The following SUGP1 variants were observed in gnomAD, a reference collection of about 807,000 sequenced individuals.
The protein encoded by SUGP1 is SURP and G-patch domain-containing protein 1.
A neutral mutation model predicts 76.5 loss-of-function variants in SUGP1; 34 were observed. That is an observed-to-expected ratio of 0.44 (90% CI 0.34 to 0.59). The LOEUF (loss-of-function observed/expected upper bound fraction) is 0.59. SUGP1 is among the 20% of genes least tolerant of loss of function. The pLI, the probability that SUGP1 is intolerant of heterozygous loss-of-function variation, is 0.01. For missense variants in SUGP1, 752 were observed against 851.7 expected (o/e 0.88, Z 1.46); for synonymous variants, 326 against 326.2 (o/e 1.00, Z 0.01).
At chr19:19,294,905 T>C (rs1281890233) in intron 8 of SUGP1, among the ~76,000 whole-genome samples, 3 of 151,888 alleles carry the variant, frequency 2.0e-5, no homozygotes, top group African/African-American at 2.4e-5. Flanking sequence ...ACCCATAGAA[T>C]GAGAGAAAGT....
chr19:19,301,098 T>C (rs1215606037), intron 7 of SUGP1, among the ~76,000 whole-genome samples: 2 of 152,090 alleles, frequency 1.3e-5, no homozygotes, highest in Non-Finnish European at 2.9e-5. Context: ...TGACTTGGAG[T>C]GGACTAGTGA....
Position 19,278,701 on chromosome 19 carries a change from T to C in SUGP1, c.1624A>G (p.Lys542Glu), listed in dbSNP as rs2061073418. Reference protein sequence around the residue: ...DELEKFMETFKALKEGREPDY... With the variant: ...DELEKFMETFEALKEGREPDY... The stretch of plus-strand genomic sequence containing the variant: ...CCCTCCTGGCTCACCTTCAGGGCCT[T>C]GAAGGTCTCCATAAACTTTTCCAGC... The change falls in exon 11 of 14, where the codon AAG becomes GAG. Residue 542 changes from lysine (K) to glutamate (E), a missense_variant. Lys to Glu is a moderately conservative substitution (Grantham distance 56). Transcript: ENST00000247001. 6.2e-7 allele frequency: 1 copy of C among 1,613,046 alleles called. No homozygotes were observed.
In SUGP1 at chr19:19,316,409, A is replaced by T. The variant is rs1196514509; in HGVS notation, c.206+13T>A. ...CACATCCAGGCCCCATCCAGGCCCC[A>T]GCAGGCACTTACTCGCCAGGATGTG... On this transcript the variant is annotated intron_variant, in intron 2 of 13. Transcript: ENST00000247001. 1.9e-6 allele frequency: 3 copies of T among 1,613,868 alleles called. No homozygotes were observed. In the South Asian group the frequency reaches 3.3e-5, roughly 18 times the overall value.
intron 7 of SUGP1, among the ~76,000 whole-genome samples, chr19:19,297,986 A>C (rs2061242135): frequency 6.6e-6 from 1 of 152,190 alleles, no homozygotes; most frequent in Admixed American, 6.5e-5. Context: ...CCCAGTCCAC[A>C]GGACTGTCTT....
intron 8 of SUGP1, among the ~76,000 whole-genome samples, chr19:19,293,189 C>T (rs188431569): frequency 1.6e-3 from 245 of 151,252 alleles, no homozygotes; most frequent in Non-Finnish European, 1.7e-3. Flanking sequence ...GGATTACAGG[C>T]GTGAGTCACC....
intron 2 of SUGP1, among the ~76,000 whole-genome samples, chr19:19,313,541 T>G (rs992487063): frequency 6.6e-6 from 1 of 152,134 alleles, no homozygotes; most frequent in Non-Finnish European, 1.5e-5. Flanking sequence ...TGAGACCCCA[T>G]CTACACAAAA....
chr19:19,297,322 G>GGGTACAA lies in SUGP1; in HGVS notation c.909_910insTTGTACC (p.Gln304LeufsTer30). The stretch of plus-strand genomic sequence containing the variant: ...TTCTGTCGGTAGTACTTGTACCCTT[G>GGGTACAA]GCTATTGGGCTCATACAGAAAGCTG... On this transcript the variant is annotated frameshift_variant, in exon 8 of 14. Transcript: ENST00000247001. LOFTEE classifies it high-confidence loss of function. 2 of 1,520,424 alleles carry GGGTACAA rather than the reference G, an allele frequency of 1.3e-6. No homozygotes were observed. Among genetic ancestry groups the GGGTACAA allele is most frequent in the Admixed American group, 4.3e-5 (2 of 46,756 alleles). The allele number at this position is 1,520,424 out of a possible 1,614,324, so 94.2% of individuals were successfully genotyped here.
intron 10 of SUGP1, 82 bp downstream of exon 10, chr19:19,279,130 TG>T: frequency 7.1e-7 from 1 of 1,409,216 alleles, no homozygotes; most frequent in Non-Finnish European, 9.4e-7. Context: ...CAAGACCACG[TG>T]TGGCGCATCC....
intron 12 of SUGP1, among the ~76,000 whole-genome samples, chr19:19,277,393 G>A (rs1378908117): frequency 6.6e-6 from 1 of 152,174 alleles, no homozygotes; most frequent in Non-Finnish European, 1.5e-5. Context: ...ACACCTGGGA[G>A]AGCTCCTGCC....
intron 7 of SUGP1, chr19:19,301,592 C>A (rs2061271995): frequency 6.6e-6 from 1 of 152,656 alleles, no homozygotes; most frequent in African/African-American, 2.4e-5. Flanking sequence ...GCTTGTGTAA[C>A]CTGGGGCCAG....
chr19:19,298,832 G>A (rs913462567), intron 7 of SUGP1, among the ~76,000 whole-genome samples: 1 of 152,170 alleles, frequency 6.6e-6, no homozygotes, highest in Non-Finnish European at 1.5e-5. Context: ...AGCAGGCATC[G>A]GGGTGTGGGG....
At chr19:19,316,622 A>T (rs772012266) in intron 1 of SUGP1, 29 bp from the exon 2 acceptor site, 1 of 1,612,092 alleles carries the variant, frequency 6.2e-7, no homozygotes, top group South Asian at 1.1e-5. Flanking sequence ...TACGTCGGAA[A>T]TCACCCTTAC....
At chr19:19,297,467 T>C in intron 7 of SUGP1, 123 bp from the exon 8 acceptor site, 1 of 576,594 alleles carries the variant, frequency 1.7e-6, no homozygotes, top group South Asian at 4.0e-5. Context: ...GGTCATGTCA[T>C]AGTCACGGTC....
intron 9 of SUGP1, 114 bp from the exon 10 acceptor site, chr19:19,279,504 G>A: frequency 5.8e-6 from 7 of 1,201,604 alleles, no homozygotes; most frequent in Non-Finnish European, 8.1e-6. Flanking sequence ...GGCTCATCTG[G>A]ACCCCTGGGC....
At position 19,310,092 on chromosome 19, in the gene SUGP1, C is replaced by G; in HGVS notation, c.310+5G>C. The G allele has an allele frequency of 6.2e-7, 1 of 1,612,114 alleles. No individual in the cohort carries two copies. Among genetic ancestry groups the G allele is most frequent in the Non-Finnish European group, 8.5e-7 (1 of 1,178,594 alleles). ...AGCACAAGGAAAGGGGAGGCCTACA[C>G]TCACCTGTGCTGGTCTGTGCCTTCT... On this transcript the variant is annotated splice_donor_5th_base_variant and intron_variant, in intron 3 of 13. Coordinates refer to ENST00000247001, the MANE Select transcript of SUGP1 (RefSeq NM_172231.4).
chr19:19,295,030 G>T (rs777668818), intron 8 of SUGP1, among the ~76,000 whole-genome samples: 2 of 152,132 alleles, frequency 1.3e-5, no homozygotes, highest in Non-Finnish European at 2.9e-5. Context: ...GTGGCTGGGT[G>T]CAGTGGCCTG....
chr19:19,315,087 G>A (rs1191733013), intron 2 of SUGP1, among the ~76,000 whole-genome samples: 1 of 152,204 alleles, frequency 6.6e-6, no homozygotes, highest in Non-Finnish European at 1.5e-5. Flanking sequence ...ATCCCTTTGG[G>A]AGGCCAAGGT....
In SUGP1 at chr19:19,303,711, C is replaced by G. The variant is rs368115480; in HGVS notation, c.662+13G>C. The G allele has an allele frequency of 1.9e-4, 303 of 1,614,022 alleles. 1 individual carries two copies. The highest frequency in any genetic ancestry group is 2.4e-4 in the Non-Finnish European group (279 of 1,180,018). ...TTCAACAGCACAGCCTTCCCTTCCC[C>G]GGAGATACTCACGCAAATGCTGGGT... On this transcript the variant is annotated intron_variant, in intron 5 of 13. Coordinates refer to ENST00000247001, the MANE Select transcript of SUGP1 (RefSeq NM_172231.4).
intron 8 of SUGP1, 44 bp downstream of exon 8, chr19:19,296,945 A>C: frequency 1.4e-6 from 2 of 1,472,384 alleles, no homozygotes; most frequent in South Asian, 2.6e-5. Flanking sequence ...CAGTGAAAGA[A>C]GTCAGACCCT....
Sources: gnomAD v4.1 joint callset for allele counts (sites outside exome capture counted in the v4.1 genomes callset) on GRCh38, gnomAD v4.1.1 for gene constraint, MANE v1.5 for transcripts, NCBI Gene and HGNC (gene_info 2026-07-23, HGNC 2026-07-21) for gene names.